The following OSBPL10 variants were observed in gnomAD, a reference collection of about 807,000 sequenced individuals.
OSBPL10 encodes the protein oxysterol binding protein like 10.
In OSBPL10, 49 loss-of-function variants were observed where a neutral mutation model predicts 81.7. That is an observed-to-expected ratio of 0.60 (90% CI 0.48 to 0.76). The LOEUF is 0.76. OSBPL10 is among the 30% of genes least tolerant of loss of function. The pLI, the probability that OSBPL10 is intolerant of heterozygous loss-of-function variation, is 0.00. For synonymous variants in OSBPL10, 419 were observed against 383.6 expected, an observed-to-expected ratio of 1.09 and a Z score of -1.08; for missense variants, 923 against 987.8, an observed-to-expected ratio of 0.93 and a Z score of 0.88.
chr3:31,889,358 G>C (rs1333518456), intron 1 of OSBPL10, among the ~76,000 whole-genome samples: 3 of 152,168 alleles, frequency 2.0e-5, no homozygotes, highest in Non-Finnish European at 4.4e-5. Flanking sequence ...CCCACGTTTA[G>C]TGCAGCACTA....
intron 1 of OSBPL10, among the ~76,000 whole-genome samples, chr3:31,941,974 A>G (rs1356215342): frequency 6.6e-6 from 1 of 152,116 alleles, no homozygotes; most frequent in Non-Finnish European, 1.5e-5. Flanking sequence ...TTCTTCTCCC[A>G]GTCGAGAATG....
intron 1 of OSBPL10, among the ~76,000 whole-genome samples, chr3:32,068,639 C>T (rs1699800536): frequency 1.3e-5 from 2 of 152,096 alleles, no homozygotes; most frequent in Admixed American, 1.3e-4. Context: ...GAAAACGGCA[C>T]TTTTGATTTC....
intron 1 of OSBPL10, among the ~76,000 whole-genome samples, chr3:31,971,018 C>G (rs1698547467): frequency 6.6e-6 from 1 of 152,168 alleles, no homozygotes; most frequent in South Asian, 2.1e-4. Context: ...CGACTTCTGC[C>G]CTTTATTCCC....
intron 6 of OSBPL10, among the ~76,000 whole-genome samples, chr3:31,708,522 A>G (rs1482600626): frequency 6.6e-6 from 1 of 152,226 alleles, no homozygotes; most frequent in African/African-American, 2.4e-5. Flanking sequence ...CCCAGGGTAT[A>G]TAAAGACGGC....
chr3:31,878,166 A>ATTT (rs1701526205), intron 2 of OSBPL10, among the ~76,000 whole-genome samples: 2 of 152,218 alleles, frequency 1.3e-5, no homozygotes, highest in South Asian at 4.1e-4. Flanking sequence ...TGCCCTCTAA[A>ATTT]AAAAACCTAG....
At chr3:32,026,057 T>TAGATAGATGATAGATAGATA (rs58717718) in intron 2 of OSBPL10, among the ~76,000 whole-genome samples, 15 of 111,340 alleles carry the variant, frequency 1.3e-4, no homozygotes, top group African/African-American at 3.8e-4. Context: ...GATAGATAGA[T>TAGATAGATGATAGATAGATA]GATAGATAGA....
intron 1 of OSBPL10, among the ~76,000 whole-genome samples, chr3:31,953,059 G>A (rs1401960990): frequency 2.6e-5 from 4 of 151,128 alleles, no homozygotes; most frequent in Non-Finnish European, 4.4e-5. Context: ...AGCCTCCTGA[G>A]TAGCTGGGAT....
chr3:31,777,319 A>AT (rs543314089), intron 4 of OSBPL10, among the ~76,000 whole-genome samples: 92 of 150,700 alleles, frequency 6.1e-4, no homozygotes, highest in Non-Finnish European at 1.1e-3. Context: ...AGGCCCAGTA[A>AT]TTTTTTTTTT....
At chr3:32,011,394 G>A (rs942828029) in intron 2 of OSBPL10, among the ~76,000 whole-genome samples, 1 of 152,170 alleles carries the variant, frequency 6.6e-6, no homozygotes, top group Non-Finnish European at 1.5e-5. Context: ...ACTGTTAGAA[G>A]GAAAACTAAC....
rs181049910 is a variant in OSBPL10 at position 31,723,453 on chromosome 3, C to T, written c.1095+9804G>A. On this transcript the variant is annotated intron_variant, in intron 6 of 11. Coordinates refer to ENST00000396556, the MANE Select transcript of OSBPL10 (RefSeq NM_017784.5). ...AGTACTTTCAAGTATTACAGAATGGCCATTTGAGTCCTACATCCATAAGAT... is the reference window on the plus strand; with the variant it reads ...AGTACTTTCAAGTATTACAGAATGGTCATTTGAGTCCTACATCCATAAGAT... Among the ~76,000 whole-genome samples the T allele has an allele frequency of 2.0e-3, 303 of 151,950 alleles. 5 individuals are homozygous for T. The highest frequency in any genetic ancestry group is 7.1e-3 in the African/African-American group (292 of 41,412).
intron 2 of OSBPL10, among the ~76,000 whole-genome samples, chr3:32,031,462 A>AT (rs758906495): frequency 0.019 from 2,838 of 149,520 alleles, 99 homozygotes; most frequent in African/African-American, 0.068. Context: ...TTCTTAAATA[A>AT]TTTTTTTTTT....
chr3:31,702,376 C>G lies in OSBPL10; in HGVS notation c.1228G>C (p.Gly410Arg). ...ILHLISQLKL[G>R]MDLTKVVLPT... is the part of the protein sequence containing the mutation. ...CAACCTACCTTGGTCAAATCCATTC[C>G]AAGTTTGAGTTGTGAAATGAGATGA... The change falls in exon 7 of 12, where the codon GGA becomes CGA. Residue 410 changes from glycine to arginine, a missense_variant. Physicochemically the swap from Gly to Arg is moderately radical, Grantham distance 125. This residue lies in a region of OSBPL10 where 22 missense variants were observed against 43.4 expected (regional missense o/e 0.51). Transcript: ENST00000396556. The G allele has an allele frequency of 6.2e-7, 1 of 1,614,146 alleles. No individual in the cohort carries two copies. The highest frequency in any genetic ancestry group is 2.2e-5 in the East Asian group (1 of 44,880).
chr3:31,941,569 G>C (rs1575049437), intron 1 of OSBPL10, among the ~76,000 whole-genome samples: 1 of 152,116 alleles, frequency 6.6e-6, no homozygotes, highest in Non-Finnish European at 1.5e-5. Context: ...CCCTGAGAGG[G>C]ATCTGGCTGC....
chr3:32,014,195 A>T (rs1223108442), intron 2 of OSBPL10, among the ~76,000 whole-genome samples: 4 of 152,242 alleles, frequency 2.6e-5, no homozygotes, highest in Non-Finnish European at 4.4e-5. Flanking sequence ...AAAAATCCTC[A>T]ATAAAATACT....
At chr3:31,999,406 G>C (rs1375771339) in intron 2 of OSBPL10, among the ~76,000 whole-genome samples, 3 of 147,864 alleles carry the variant, frequency 2.0e-5, no homozygotes, top group Middle Eastern at 3.5e-3. Context: ...TGTTGCCCAG[G>C]CTGGAGTACA....
chr3:32,046,867 T>C (rs551443402), intron 1 of OSBPL10, among the ~76,000 whole-genome samples: 1 of 152,232 alleles, frequency 6.6e-6, no homozygotes, highest in Non-Finnish European at 1.5e-5. Flanking sequence ...AACTACTAAG[T>C]GGTGGAACAG....
rs200775136 is a variant in OSBPL10, at chr3:31,769,469, A to C, written c.730-21349T>G. Among the ~76,000 whole-genome samples, 47 of 36,986 alleles carry C rather than the reference A, an allele frequency of 1.3e-3. 10 individuals carry two copies. In the South Asian group the frequency reaches 0.013, roughly 10 times the overall value. The allele number at this position is 36,986 out of a possible 152,430, so 24.3% of individuals were successfully genotyped here. A position where few individuals can be genotyped will look rare whatever the true frequency, so the allele number is the denominator to read the frequency against. ...TCAAAAAAAAAAAAACAAAAAAAAA[A>C]CAAAAAAAAACAGAATAAAAATATA... is the stretch of plus-strand genomic sequence containing the variant. On this transcript the variant is annotated intron_variant, in intron 4 of 11. Transcript: ENST00000396556.
intron 1 of OSBPL10, among the ~76,000 whole-genome samples, chr3:31,935,458 G>A (rs1371900818): frequency 6.6e-6 from 1 of 151,394 alleles, no homozygotes; most frequent in African/African-American, 2.4e-5. Context: ...ATTCATCCTG[G>A]GAAATGCTGC....
chr3:31,807,374 AAAATAAAT>A (rs536299438), intron 4 of OSBPL10, among the ~76,000 whole-genome samples: 7 of 137,432 alleles, frequency 5.1e-5, no homozygotes, highest in South Asian at 2.4e-4. Context: ...CTGTCTCAGA[AAAATAAAT>A]AAATAAATAA....
Sources: allele counts gnomAD v4.1 joint callset (sites outside exome capture counted in the v4.1 genomes callset), GRCh38; gene constraint gnomAD v4.1.1; regional missense constraint gnomAD v4.1.1; transcripts MANE v1.5; gene names NCBI Gene and HGNC (gene_info 2026-07-23, HGNC 2026-07-21).